The following EPHB1 variants were observed in gnomAD, a reference collection of about 807,000 sequenced individuals.
EPHB1 encodes the protein EPH receptor B1, also known as ephrin type-B receptor 1.
Under a neutral mutation model 94.4 loss-of-function variants are expected in EPHB1, and 30 were observed. The ratio of observed to expected loss-of-function variants is 0.32; its 90% CI spans 0.24 to 0.43. The LOEUF (loss-of-function observed/expected upper bound fraction) is 0.43. Among genes scored for constraint, EPHB1 ranks in the 20% least tolerant of loss-of-function variants. The pLI is 1.00. For synonymous variants in EPHB1, 522 were observed against 489.1 expected, an observed-to-expected ratio of 1.07 and a Z score of -0.89; for missense variants, 1,055 against 1,308.3, an observed-to-expected ratio of 0.81 and a Z score of 2.99.
chr3:135,236,029 A>G (rs1943643842), intron 12 of EPHB1, among the ~76,000 whole-genome samples: 1 of 152,202 alleles, frequency 6.6e-6, no homozygotes, highest in Non-Finnish European at 1.5e-5. Context: ...TATCTGATAA[A>G]ATTGTATATA....
rs149454586 is a variant in EPHB1, at chr3:135,132,431, AG to A, written c.962-281del. On this transcript the variant is annotated intron_variant, in intron 4 of 15. Coordinates refer to ENST00000398015, the MANE Select transcript of EPHB1 (RefSeq NM_004441.5). ...GATGTGGCTTGATCCTGAGAGCAAAAGGCCTTAAACCCAGGTCCTGGAACCG... is the reference window on the plus strand; with the variant it reads ...GATGTGGCTTGATCCTGAGAGCAAAAGCCTTAAACCCAGGTCCTGGAACCG... Among the ~76,000 whole-genome samples the A allele has an allele frequency of 3.8e-4, 58 of 152,264 alleles. No homozygotes were observed. The East Asian group carries it at 0.01, about 27-fold the overall frequency.
chr3:134,989,124 C>T (rs565605970), intron 3 of EPHB1, among the ~76,000 whole-genome samples: 5 of 152,272 alleles, frequency 3.3e-5, no homozygotes, highest in South Asian at 4.2e-4. Context: ...TCAAACTTCC[C>T]GCTTACTGTG....
Position 135,162,189 on chromosome 3 carries a change from C to G in EPHB1, c.1585+9C>G. 6.3e-7 allele frequency: 1 copy of G among 1,590,594 alleles called. No individual in the cohort carries two copies. Among genetic ancestry groups the G allele is most frequent in the Non-Finnish European group, 8.6e-7 (1 of 1,165,808 alleles). ...CCAGACTCTGACTGACGGTAAGGGT[C>G]GGGGAGGGCAGTGGCATAATCACAG... On this transcript the variant is annotated intron_variant, in intron 7 of 15. Transcript: ENST00000398015.
At chr3:135,150,459 A>G (rs1941158992) in intron 5 of EPHB1, among the ~76,000 whole-genome samples, 1 of 152,172 alleles carries the variant, frequency 6.6e-6, no homozygotes, top group African/African-American at 2.4e-5. Context: ...CCGTGATTGC[A>G]AGGTGTTGGG....
intron 3 of EPHB1, among the ~76,000 whole-genome samples, chr3:135,068,451 G>A (rs547810954): frequency 1.6e-4 from 25 of 151,824 alleles, no homozygotes; most frequent in Non-Finnish European, 2.9e-4. Flanking sequence ...GTGTTTACTG[G>A]GGCTGTTGGG....
intron 1 of EPHB1, among the ~76,000 whole-genome samples, chr3:134,816,219 A>C (rs1419136581): frequency 6.6e-6 from 1 of 150,860 alleles, no homozygotes; most frequent in Non-Finnish European, 1.5e-5. Flanking sequence ...AGTAGCTGGG[A>C]TTATAGGCAC....
intron 1 of EPHB1, among the ~76,000 whole-genome samples, chr3:134,799,374 A>G (rs1281302604): frequency 6.6e-6 from 1 of 152,134 alleles, no homozygotes; most frequent in Non-Finnish European, 1.5e-5. Flanking sequence ...GGCACCAAAG[A>G]TTTTTAAAAA....
chr3:135,016,970 A>G (rs73214201), intron 3 of EPHB1, among the ~76,000 whole-genome samples: 2 of 152,240 alleles, frequency 1.3e-5, no homozygotes, highest in African/African-American at 2.4e-5. Context: ...ATCTCCAGGC[A>G]TCCCTGAAGC....
intron 3 of EPHB1, among the ~76,000 whole-genome samples, chr3:135,031,114 C>T (rs1288035747): frequency 2.0e-5 from 3 of 152,178 alleles, no homozygotes; most frequent in African/African-American, 7.2e-5. Flanking sequence ...CTGACCTGCG[C>T]CCACTGTCTG....
At chr3:135,243,935 G>T (rs1306512608) in intron 13 of EPHB1, among the ~76,000 whole-genome samples, 1 of 152,122 alleles carries the variant, frequency 6.6e-6, no homozygotes, top group Non-Finnish European at 1.5e-5. Flanking sequence ...CTCTGCCCTG[G>T]TTTCTCCACT....
At chr3:135,105,949 G>A (rs961387218) in intron 3 of EPHB1, among the ~76,000 whole-genome samples, 1 of 152,188 alleles carries the variant, frequency 6.6e-6, no homozygotes, top group Non-Finnish European at 1.5e-5. Context: ...ACATCTCATA[G>A]TGTGTTCCTC....
chr3:134,811,755 G>A (rs2036184684), intron 1 of EPHB1, among the ~76,000 whole-genome samples: 1 of 152,166 alleles, frequency 6.6e-6, no homozygotes, highest in Non-Finnish European at 1.5e-5. Flanking sequence ...ACCTGGCAGC[G>A]ACTTAGTGGG....
intron 4 of EPHB1, among the ~76,000 whole-genome samples, chr3:135,110,578 C>T (rs114873462): frequency 1.7e-3 from 259 of 152,266 alleles, no homozygotes; most frequent in African/African-American, 6.1e-3. Context: ...ACTCAAATTA[C>T]GAGGTTGTGA....
chr3:135,140,589 G>C (rs552472841), intron 5 of EPHB1, among the ~76,000 whole-genome samples: 34 of 152,340 alleles, frequency 2.2e-4, no homozygotes, highest in Admixed American at 2.1e-3. Context: ...TGTGATTGCA[G>C]TTACCCCTTA....
intron 5 of EPHB1, among the ~76,000 whole-genome samples, chr3:135,138,729 A>T (rs184291284): frequency 7.2e-5 from 11 of 152,380 alleles, no homozygotes; most frequent in Non-Finnish European, 1.0e-4. Context: ...GAAAAGTTAA[A>T]AAAAACTTAA....
chr3:134,949,670 C>A (rs913473332), intron 2 of EPHB1, among the ~76,000 whole-genome samples: 6 of 152,134 alleles, frequency 3.9e-5, no homozygotes, highest in African/African-American at 1.2e-4. Flanking sequence ...GATCACCACT[C>A]CTAAATAGTC....
chr3:134,891,263 C>G (rs1227194557), intron 1 of EPHB1, among the ~76,000 whole-genome samples: 2 of 152,180 alleles, frequency 1.3e-5, no homozygotes, highest in African/African-American at 2.4e-5. Flanking sequence ...GCATGCGCCA[C>G]CATGCCCAGC....
chr3:135,055,778 C>T (rs1937329367), intron 3 of EPHB1, among the ~76,000 whole-genome samples: 1 of 152,178 alleles, frequency 6.6e-6, no homozygotes, highest in Admixed American at 6.5e-5. Context: ...TTGGTAGGTG[C>T]CCACAAAAGA....
chr3:134,802,639 G>T (rs2035957103), intron 1 of EPHB1, among the ~76,000 whole-genome samples: 1 of 152,192 alleles, frequency 6.6e-6, no homozygotes, highest in Non-Finnish European at 1.5e-5. Context: ...TTGTGCAGGT[G>T]GTACAGACAG....
Sources: allele counts gnomAD v4.1 joint callset (sites outside exome capture counted in the v4.1 genomes callset), GRCh38; gene constraint gnomAD v4.1.1; transcripts MANE v1.5; gene names NCBI Gene and HGNC (gene_info 2026-07-23, HGNC 2026-07-21).